Variants in GLIS3 observed in about 807,000 individuals in gnomAD.
GLIS3 encodes zinc finger protein GLIS3.
A neutral mutation model predicts 78.6 loss-of-function variants in GLIS3; 53 were observed. That is an observed-to-expected ratio of 0.67 (90% CI 0.54 to 0.85). GLIS3 has a LOEUF of 0.85. Among genes scored for constraint, GLIS3 ranks in the 40% least tolerant of loss-of-function variants. The pLI is 0.00. For synonymous variants in GLIS3, 684 were observed against 509.9 expected (o/e 1.34, Z -4.60); for missense variants, 1,703 against 1,231.1 (o/e 1.38, Z -5.74).
At chr9:4,379,850 C>G in the GLIS3 span, among the ~76,000 whole-genome samples, 148 of 152,250 alleles carry the variant, frequency 9.7e-4, no homozygotes, top group Non-Finnish European at 2.4e-4. Flanking sequence ...TGACACACAT[C>G]ATATTATATT....
the GLIS3 span, among the ~76,000 whole-genome samples, chr9:4,404,679 G>A: frequency 2.0e-4 from 31 of 152,000 alleles, no homozygotes; most frequent in East Asian, 7.7e-4. Context: ...AAATGATAAC[G>A]GAAACACAGT....
chr9:4,433,687 T>C, the GLIS3 span, among the ~76,000 whole-genome samples: 1 of 152,284 alleles, frequency 6.6e-6, no homozygotes, highest in Non-Finnish European at 1.5e-5. Context: ...CTCTAAGTGA[T>C]GCAAACCTGT....
intron 4 of GLIS3, among the ~76,000 whole-genome samples, chr9:3,994,426 T>C (rs1441058323): frequency 1.3e-5 from 2 of 152,236 alleles, no homozygotes; most frequent in African/African-American, 4.8e-5. Context: ...GATTCATTTT[T>C]CTCACTCAGG....
Position 4,241,505 on chromosome 9 carries a change from C to T in GLIS3, c.388+44533G>A, listed in dbSNP as rs576909168. Among the ~76,000 whole-genome samples the T allele has an allele frequency of 2.0e-4, 30 of 151,996 alleles. 1 individual carries two copies. The South Asian group carries it at 6.2e-3, about 32-fold the overall frequency. ...AGACAATACTTGAGGTGATGTACAC[C>T]CCAACTACACCCCAACTACCCCAAA... On this transcript the variant is annotated intron_variant, in intron 2 of 10. Coordinates refer to ENST00000381971, the MANE Select transcript of GLIS3 (RefSeq NM_001042413.2).
At chr9:4,179,491 A>C (rs1319843812) in intron 2 of GLIS3, among the ~76,000 whole-genome samples, 3 of 152,158 alleles carry the variant, frequency 2.0e-5, no homozygotes, top group African/African-American at 7.2e-5. Context: ...TTAACCCTCA[A>C]AAGGGCTCCG....
At chr9:4,308,669 G>A (rs183247358) in intron 4 of GLIS3, 6 of 152,574 alleles carry the variant, frequency 3.9e-5, no homozygotes, top group Admixed American at 3.9e-4. Flanking sequence ...AATCAGCCTG[G>A]ATGGGATCTA....
intron 8 of GLIS3, among the ~76,000 whole-genome samples, chr9:3,879,069 C>T (rs1051599750): frequency 3.9e-5 from 6 of 151,972 alleles, no homozygotes; most frequent in Non-Finnish European, 7.4e-5. Context: ...ATTTATGTGG[C>T]GAGGGCACCA....
At chr9:3,901,298 C>T in intron 6 of GLIS3, 1 of 157,656 alleles carries the variant, frequency 6.3e-6, no homozygotes, top group South Asian at 1.9e-4. Flanking sequence ...TTAACACTTT[C>T]CAAATTTTCT....
chr9:4,126,076 T>C (rs1181345617), intron 2 of GLIS3, 135 bp from the exon 3 acceptor site: 5 of 694,274 alleles, frequency 7.2e-6, no homozygotes, highest in Non-Finnish European at 1.3e-5. Context: ...GTATTGGTGA[T>C]AGCAAAAGGC....
At chr9:4,160,456 C>T (rs1215318075) in intron 2 of GLIS3, among the ~76,000 whole-genome samples, 2 of 152,244 alleles carry the variant, frequency 1.3e-5, no homozygotes, top group Admixed American at 1.3e-4. Flanking sequence ...ATCTCCCGCA[C>T]AGCGGCAGGC....
the GLIS3 span, among the ~76,000 whole-genome samples, chr9:4,437,547 G>C: frequency 6.6e-6 from 1 of 152,056 alleles, no homozygotes; most frequent in Non-Finnish European, 1.5e-5. Context: ...CAAAACTGTG[G>C]CATAGCGAGA....
At chr9:3,900,849 A>G (rs1335739323) in intron 6 of GLIS3, 1 of 152,072 alleles carries the variant, frequency 6.6e-6, no homozygotes, top group Admixed American at 6.5e-5. Context: ...TGAACGGGCC[A>G]CACCACGGTT....
At chr9:4,164,425 C>A (rs1835727225) in intron 2 of GLIS3, among the ~76,000 whole-genome samples, 1 of 152,190 alleles carries the variant, frequency 6.6e-6, no homozygotes, top group African/African-American at 2.4e-5. Context: ...TAAAGAGGAA[C>A]AATGCAAAAG....
At chr9:4,429,784 T>G in the GLIS3 span, among the ~76,000 whole-genome samples, 5 of 152,114 alleles carry the variant, frequency 3.3e-5, no homozygotes, top group Non-Finnish European at 7.3e-5. Context: ...GTGACGAAAC[T>G]GTATGCAGGT....
At chr9:4,233,454 G>C (rs1377503440) in intron 2 of GLIS3, among the ~76,000 whole-genome samples, 1 of 152,154 alleles carries the variant, frequency 6.6e-6, no homozygotes, top group African/African-American at 2.4e-5. Flanking sequence ...TCAGTAACCA[G>C]GTGCATTGTT....
intron 4 of GLIS3, among the ~76,000 whole-genome samples, chr9:4,112,556 G>T (rs1831306366): frequency 6.6e-6 from 1 of 152,120 alleles, no homozygotes; most frequent in Admixed American, 6.5e-5. Context: ...TTTTGAAGAT[G>T]GGACCCAGGT....
intron 6 of GLIS3, among the ~76,000 whole-genome samples, chr9:3,925,401 C>T (rs1309085798): frequency 2.6e-5 from 4 of 152,124 alleles, no homozygotes; most frequent in Non-Finnish European, 5.9e-5. Context: ...GTACTGAGTA[C>T]AGCAGGTCCT....
chr9:4,298,521 T>C lies in GLIS3; in HGVS notation c.-99+900A>G. 5 of 402,318 alleles carry C rather than the reference T, an allele frequency of 1.2e-5. 1 individual carries two copies. The highest frequency in any genetic ancestry group is 9.0e-5 in the South Asian group (5 of 55,854). The allele number at this position is 402,318 out of a possible 1,614,324, so 24.9% of individuals were successfully genotyped here. ...TGTCGCTCGGGGCAAGGTGTGTGTC[T>C]AGGAGAGAGCCGGCGGCTCACTCAC... On this transcript the variant is annotated intron_variant, in intron 1 of 10. Transcript: ENST00000381971.
intron 4 of GLIS3, among the ~76,000 whole-genome samples, chr9:4,002,950 C>T (rs2129934239): frequency 6.6e-6 from 1 of 152,334 alleles, no homozygotes; most frequent in East Asian, 1.9e-4. Context: ...TGCTAAGTCA[C>T]TGAGCTAAAG....
Sources: gnomAD v4.1 joint callset for allele counts (sites outside exome capture counted in the v4.1 genomes callset) on GRCh38, gnomAD v4.1.1 for gene constraint, MANE v1.5 for transcripts, NCBI Gene and HGNC (gene_info 2026-07-23, HGNC 2026-07-21) for gene names.